Variants in AHNAK2 observed in about 807,000 individuals in gnomAD.
The protein encoded by AHNAK2 is AHNAK nucleoprotein 2.
Under a neutral mutation model 30.7 loss-of-function variants are expected in AHNAK2, and 18 were observed. The ratio of observed to expected loss-of-function variants is 0.59; its 90% CI spans 0.41 to 0.87. AHNAK2 has a LOEUF of 0.87. Among genes scored for constraint, AHNAK2 ranks in the 40% least tolerant of loss-of-function variants. The pLI, the probability that AHNAK2 is intolerant of heterozygous loss-of-function variation, is 0.00. For missense variants in AHNAK2, 8,604 were observed against 7,373.0 expected (o/e 1.17, Z -6.11); for synonymous variants, 3,590 against 3,073.8 (o/e 1.17, Z -5.56).
chr14:104,948,158 T>C lies in AHNAK2; in HGVS notation c.7293A>G (p.Lys2431=). 1 of 1,612,404 alleles carries C rather than the reference T, an allele frequency of 6.2e-7. No homozygotes were observed. The highest frequency in any genetic ancestry group is 8.5e-7 in the Non-Finnish European group (1 of 1,179,536). Residue 2431 remains lysine (K), a synonymous_variant, in exon 7 of 7, where the codon AAA becomes AAG. Transcript: ENST00000333244. ...IDVKGPKLDL[K]GPKTDVMAPD... is the part of the protein sequence containing the mutation. ...GGGCCATCACGTCCGTCTTGGGGCCTTTCAGGTCCAGCTTGGGGCCCTTGA... is the reference window on the plus strand; with the variant it reads ...GGGCCATCACGTCCGTCTTGGGGCCCTTCAGGTCCAGCTTGGGGCCCTTGA...
chr14:104,944,767 G>A lies in AHNAK2; in HGVS notation c.10684C>T (p.Pro3562Ser). ...LKGHLPKVEM[P>S]SLKTPKVDLK... ...TCCACTTTGGGCGTCTTTAAACTGG[G>A]CATCTCCACTTTGGGCAGGTGCCCT... The change falls in exon 7 of 7, where the codon CCC becomes TCC. Residue 3562 changes from proline (P) to serine (S), a missense_variant. Transcript: ENST00000333244. The A allele has an allele frequency of 6.2e-7, 1 of 1,612,242 alleles. No homozygotes were observed. The highest frequency in any genetic ancestry group is 8.5e-7 in the Non-Finnish European group (1 of 1,179,322).
At position 104,943,333 on chromosome 14, in the gene AHNAK2, G is replaced by A. The variant is rs1420045072; in HGVS notation, c.12118C>T (p.Pro4040Ser). 1 of 1,612,780 alleles carries A rather than the reference G, an allele frequency of 6.2e-7. No homozygotes were observed. Among genetic ancestry groups the A allele is most frequent in the East Asian group, 2.2e-5 (1 of 44,694 alleles). ...TTGAGGCTGGCTCCCTCGGGCACGG[G>A]GCCCTCTGGGAGTTTCACGTCCACT... ...GQVDVKLPEG[P>S]VPEGASLKGH... is the part of the protein sequence containing the mutation. The change falls in exon 7 of 7, where the codon CCC becomes TCC. Residue 4040 changes from proline (P) to serine (S), a missense_variant. Pro to Ser is a moderately conservative substitution (Grantham distance 74, BLOSUM62 -1). Transcript: ENST00000333244.
chr14:104,972,209 C>G lies in AHNAK2; in HGVS notation c.55+5974G>C, dbSNP rs915408140. Reference sequence around the variant, plus strand: ...TTCCAGGCCCCTTCTGGGCCTCCCCCCATTGCAATACCCTAAAAAGGCTGA... The same window carrying G: ...TTCCAGGCCCCTTCTGGGCCTCCCCGCATTGCAATACCCTAAAAAGGCTGA... On this transcript the variant is annotated intron_variant, in intron 1 of 6. Coordinates refer to ENST00000333244, the MANE Select transcript of AHNAK2 (RefSeq NM_138420.4). Among the ~76,000 whole-genome samples, 14 of 152,354 alleles carry G rather than the reference C, an allele frequency of 9.2e-5. No homozygotes were observed. The East Asian group carries it at 2.5e-3, about 27-fold the overall frequency.
rs373240129 is a variant in AHNAK2 at position 104,944,374 on chromosome 14, C to G, written c.11077G>C (p.Ala3693Pro). The change falls in exon 7 of 7, where the codon GCC becomes CCC. Residue 3693 changes from alanine to proline, a missense_variant. Ala to Pro is a conservative substitution (Grantham distance 27). Coordinates refer to ENST00000333244, the MANE Select transcript of AHNAK2 (RefSeq NM_138420.4). ...TGGCCAGCCTGGACCTTCAGGTCGG[C>G]AGAAGGGGGCTGAATGCTGAGGTCA... The part of the protein sequence containing the change: ...TTDLSIQPPS[A>P]DLKVQAGQMD... The G allele has an allele frequency of 1.1e-5, 17 of 1,612,588 alleles. No individual in the cohort carries two copies. In the East Asian group the frequency reaches 3.6e-4, roughly 34 times the overall value.
In AHNAK2 at chr14:104,938,943, T is replaced by A. The variant is rs566012025; in HGVS notation, c.16508A>T (p.Glu5503Val). 9.9e-6 allele frequency: 16 copies of A among 1,613,436 alleles called. No individual in the cohort carries two copies. Among genetic ancestry groups the A allele is most frequent in the Admixed American group, 3.3e-5 (2 of 59,982 alleles). ...PRTFSTQIVRESEIPTSEIQT... is the reference protein window; with the variant it reads ...PRTFSTQIVRVSEIPTSEIQT... The stretch of plus-strand genomic sequence containing the variant: ...AATCTCTGACGTGGGGATCTCTGAT[T>A]CCCGCACAATCTGAGTGGAAAAAGT... The change falls in exon 7 of 7, where the codon GAA (glutamate) becomes GTA (valine). Residue 5503 changes from glutamate (E) to valine (V), a missense_variant. Glu to Val is a moderately radical substitution (Grantham distance 121). Coordinates refer to ENST00000333244, the MANE Select transcript of AHNAK2 (RefSeq NM_138420.4).
In AHNAK2 at chr14:104,971,539, C is replaced by T. The variant is rs562408392; in HGVS notation, c.55+6644G>A. 4.6e-5 allele frequency among the ~76,000 whole-genome samples: 7 copies of T among 152,276 alleles called. No homozygotes were observed. In the South Asian group the frequency reaches 1.2e-3, roughly 27 times the overall value. ...TGCTGGGATTACAGGTGTGAGCCTC[C>T]GCACTGGCCTAGCTTTTTTTTTTAA... is the stretch of plus-strand genomic sequence containing the variant. On this transcript the variant is annotated intron_variant, in intron 1 of 6. Coordinates refer to ENST00000333244, the MANE Select transcript of AHNAK2 (RefSeq NM_138420.4).
chr14:104,942,562 T>A lies in AHNAK2; in HGVS notation c.12889A>T (p.Lys4297Ter). Residue 4297 changes from lysine (K) to a stop codon, truncating the protein, a stop_gained, in exon 7 of 7, where the codon AAG (lysine) becomes TAG (stop). Coordinates refer to ENST00000333244, the MANE Select transcript of AHNAK2 (RefSeq NM_138420.4). LOFTEE classifies it low-confidence loss of function (END_TRUNC). ...ATCTTGAACTTGGGCATTTTGAACT[T>A]GCTGTCTTTGGCAGTCATGTCCTTG... ...ADKDMTAKDSKFKMPKFKMPS... is the reference protein window; with the variant it reads ...ADKDMTAKDS 1 of 1,613,038 alleles carries A rather than the reference T, an allele frequency of 6.2e-7. No individual in the cohort carries two copies. The highest frequency in any genetic ancestry group is 8.5e-7 in the Non-Finnish European group (1 of 1,179,522).
chr14:104,945,125 G>A lies in AHNAK2; in HGVS notation c.10326C>T (p.Asp3442=), dbSNP rs201867414. 512 of 1,610,128 alleles carry A rather than the reference G, an allele frequency of 3.2e-4. No individual in the cohort carries two copies. Among genetic ancestry groups the A allele is most frequent in the Middle Eastern group, 1.3e-3 (8 of 6,024 alleles). The change falls in exon 7 of 7, where the codon GAC becomes GAT. Residue 3442 remains aspartate (D), a synonymous_variant. Transcript: ENST00000333244. Reference sequence around the variant, plus strand: ...CCAGCTTGGCTCTCGGGGCCTGGACGTCCACCTCCACGCTGGGCAGAGACA... The same window carrying A: ...CCAGCTTGGCTCTCGGGGCCTGGACATCCACCTCCACGCTGGGCAGAGACA... ...VEVSLPSVEV[D]VQAPRAKLDG...
At position 104,949,444 on chromosome 14, in the gene AHNAK2, G is replaced by A; in HGVS notation, c.6007C>T (p.Pro2003Ser). 1.3e-6 allele frequency: 2 copies of A among 1,587,710 alleles called. 1 individual carries two copies. Among genetic ancestry groups the A allele is most frequent in the Non-Finnish European group, 1.7e-6 (2 of 1,162,612 alleles). Residue 2003 changes from proline (P) to serine (S), a missense_variant, in exon 7 of 7, where the codon CCA becomes TCA. Physicochemically the swap from Pro to Ser is moderately conservative, Grantham distance 74. Coordinates refer to ENST00000333244, the MANE Select transcript of AHNAK2 (RefSeq NM_138420.4). ...FKMPSFGVSA[P>S]GRSIEASVDV... ...ACCGAGGCCTCGATGGACCTCCCTGGGGCCGATACCCCGAACGACGGCATC... is the reference window on the plus strand; with the variant it reads ...ACCGAGGCCTCGATGGACCTCCCTGAGGCCGATACCCCGAACGACGGCATC...
intron 3 of AHNAK2, 135 bp from the exon 4 acceptor site, chr14:104,956,824 GGC>G: frequency 1.3e-6 from 1 of 776,214 alleles, no homozygotes; most frequent in Non-Finnish European, 2.1e-6. Flanking sequence ...TGTGTGCAGA[GGC>G]AGCCGAGTTC....
In AHNAK2 at chr14:104,937,921, C is replaced by G. The variant is rs1897853270; in HGVS notation, c.*142G>C. The stretch of plus-strand genomic sequence containing the variant: ...GCTGTGTGATGGTGACAAAGGTGTT[C>G]TGGTCATTTCTGCTCTGTTCTCCGT... On this transcript the variant is annotated 3_prime_UTR_variant, in exon 7 of 7. Transcript: ENST00000333244. 2.4e-6 allele frequency: 2 copies of G among 850,928 alleles called. No homozygotes were observed. The highest frequency in any genetic ancestry group is 3.5e-6 in the Non-Finnish European group (2 of 576,674). 52.7% of individuals were successfully genotyped at this position (850,928 alleles called of 1,614,324 possible). A position where few individuals can be genotyped will look rare whatever the true frequency, so the allele number is the denominator to read the frequency against.
At position 104,945,999 on chromosome 14, in the gene AHNAK2, G is replaced by A. The variant is rs746747476; in HGVS notation, c.9452C>T (p.Pro3151Leu). The change falls in exon 7 of 7, where the codon CCG becomes CTG. Residue 3151 changes from proline to leucine, a missense_variant. Pro to Leu is a moderately conservative substitution (Grantham distance 98). Transcript: ENST00000333244. ...GCCTGGGGCAGACACCCCGAACGAC[G>A]GCATCTTGAACTTGGGCATTTTGAA... Reference protein sequence around the residue: ...SKFKMPKFKMPSFGVSAPGKS... With the variant: ...SKFKMPKFKMLSFGVSAPGKS... 43 of 1,372,264 alleles carry A rather than the reference G, an allele frequency of 3.1e-5. 14 individuals are homozygous for A. Among genetic ancestry groups the A allele is most frequent in the African/African-American group, 5.7e-5 (4 of 70,268 alleles). The allele number at this position is 1,372,264 out of a possible 1,614,324, so 85.0% of individuals were successfully genotyped here. A position where few individuals can be genotyped will look rare whatever the true frequency, so the allele number is the denominator to read the frequency against.
rs1430950102 is a variant in AHNAK2 at position 104,950,729 on chromosome 14, C to T, written c.4722G>A (p.Gly1574=). 1.3e-6 allele frequency: 2 copies of T among 1,588,056 alleles called. No homozygotes were observed. Among genetic ancestry groups the T allele is most frequent in the Non-Finnish European group, 1.7e-6 (2 of 1,162,958 alleles). ...TGGGCATCTGCACTTTGGGCAGGTG[C>T]CCTTTGAGGCCGGCTCCCTCGGACA... ...GPVSEGAGLK[G]HLPKVQMPSF... The change falls in exon 7 of 7, where the codon GGG becomes GGA. Residue 1574 remains glycine (G), a synonymous_variant. Coordinates refer to ENST00000333244, the MANE Select transcript of AHNAK2 (RefSeq NM_138420.4).
At chr14:104,962,223 T>C (rs1899167879) in intron 1 of AHNAK2, among the ~76,000 whole-genome samples, 1 of 151,976 alleles carries the variant, frequency 6.6e-6, no homozygotes, top group South Asian at 2.1e-4. Flanking sequence ...TGCTCTCAGG[T>C]GCACAGGGGA....
chr14:104,944,236 G>C lies in AHNAK2; in HGVS notation c.11215C>G (p.Pro3739Ala). The C allele has an allele frequency of 6.2e-7, 1 of 1,612,538 alleles. No individual in the cohort carries two copies. The highest frequency in any genetic ancestry group is 8.5e-7 in the Non-Finnish European group (1 of 1,179,446). ...TTGGGGCCCTTGATGTCCACCTGGG[G>C]GCCCTTGAGGTCCACTTTGGGCATC... ...LKMPKVDLKG[P>A]QVDIKGPKLD... Residue 3739 changes from proline (P) to alanine (A), a missense_variant, in exon 7 of 7, where the codon CCC (proline) becomes GCC (alanine). By Grantham distance (27) the Pro-to-Ala change is conservative (BLOSUM62 -1). Transcript: ENST00000333244.
rs780801318 is a variant in AHNAK2, at chr14:104,946,303, G to A, written c.9148C>T (p.His3050Tyr). Residue 3050 changes from histidine (H) to tyrosine (Y), a missense_variant, in exon 7 of 7, where the codon CAC becomes TAC. Coordinates refer to ENST00000333244, the MANE Select transcript of AHNAK2 (RefSeq NM_138420.4). ...GQVDLKLPEG[H>Y]VPEGAGLKGH... is the part of the protein sequence containing the mutation. ...TTGAGGCCAGCTCCCTCGGGAACGT[G>A]GCCCTCTGGGAGCTTCAGGTCCACC... 3 of 1,611,886 alleles carry A rather than the reference G, an allele frequency of 1.9e-6. No individual in the cohort carries two copies. Among genetic ancestry groups the A allele is most frequent in the African/African-American group, 2.7e-5 (2 of 74,318 alleles).
Position 104,952,672 on chromosome 14 carries a change from G to A in AHNAK2, c.2779C>T (p.Pro927Ser). 1 of 1,612,606 alleles carries A rather than the reference G, an allele frequency of 6.2e-7. No individual in the cohort carries two copies. The highest frequency in any genetic ancestry group is 1.1e-5 in the South Asian group (1 of 91,022). Residue 927 changes from proline (P) to serine (S), a missense_variant, in exon 7 of 7, where the codon CCC becomes TCC. By Grantham distance (74) the Pro-to-Ser change is moderately conservative. Coordinates refer to ENST00000333244, the MANE Select transcript of AHNAK2 (RefSeq NM_138420.4). ...TGGGGGCCCTTGAGGTCCACTTTGG[G>A]CATCTTGAAACTGGGCATCTCCACT... Reference protein sequence around the residue: ...PKVEMPSFKMPKVDLKGPQID... With the variant: ...PKVEMPSFKMSKVDLKGPQID...
intron 1 of AHNAK2, among the ~76,000 whole-genome samples, chr14:104,977,051 T>A (rs369712717): frequency 1.3e-5 from 2 of 152,008 alleles, no homozygotes; most frequent in East Asian, 3.9e-4. Flanking sequence ...CAGACAAGCC[T>A]CCCACCCTAA....
intron 1 of AHNAK2, among the ~76,000 whole-genome samples, chr14:104,963,804 T>C (rs1237680839): frequency 1.4e-5 from 2 of 142,258 alleles, no homozygotes; most frequent in Admixed American, 7.4e-5. Context: ...CACTCCAGCC[T>C]GGGCCACACA....
Sources: gnomAD v4.1 joint callset for allele counts (sites outside exome capture counted in the v4.1 genomes callset) on GRCh38, gnomAD v4.1.1 for gene constraint, MANE v1.5 for transcripts, NCBI Gene and HGNC (gene_info 2026-07-23, HGNC 2026-07-21) for gene names.